Variants in ZFAND6 observed in about 807,000 individuals in gnomAD.
ZFAND6 encodes AN1-type zinc finger protein 6.
Under a neutral mutation model 24.5 loss-of-function variants are expected in ZFAND6, and 12 were observed. The ratio of observed to expected loss-of-function variants is 0.49; its 90% CI spans 0.31 to 0.79. The LOEUF is 0.79. Ranked by LOEUF, ZFAND6 falls within the 30% of genes least tolerant of loss-of-function variation. The probability of loss-of-function intolerance (pLI) is 0.04; values close to 1 mark genes in which losing one functional copy is unlikely to be tolerated. For synonymous variants in ZFAND6, 92 were observed against 81.5 expected (o/e 1.13, Z -0.69); for missense variants, 207 against 245.9 (o/e 0.84, Z 1.06).
intron 5 of ZFAND6, among the ~76,000 whole-genome samples, chr15:80,125,900 G>A (rs181448598): frequency 4.3e-4 from 65 of 152,270 alleles, no homozygotes; most frequent in African/African-American, 1.5e-3. Context: ...CTCTTACAGG[G>A]TATTAAAAGA....
intron 1 of ZFAND6, among the ~76,000 whole-genome samples, chr15:80,084,866 C>G (rs2037897532): frequency 6.6e-6 from 1 of 152,220 alleles, no homozygotes; most frequent in Non-Finnish European, 1.5e-5. Context: ...CAGAATGTCT[C>G]CTAAGCTGCA....
At chr15:80,093,665 C>T (rs2038530516) in intron 1 of ZFAND6, among the ~76,000 whole-genome samples, 1 of 152,166 alleles carries the variant, frequency 6.6e-6, no homozygotes, top group Non-Finnish European at 1.5e-5. Flanking sequence ...GCGGAGGTTG[C>T]AGTGAGCCGA....
At chr15:80,117,406 T>A (rs751935325) in intron 2 of ZFAND6, among the ~76,000 whole-genome samples, 2 of 152,116 alleles carry the variant, frequency 1.3e-5, no homozygotes, top group Non-Finnish European at 2.9e-5. Flanking sequence ...GTATTTTTAG[T>A]AGAGACGGGG....
At chr15:80,087,266 T>C (rs982911102) in intron 1 of ZFAND6, among the ~76,000 whole-genome samples, 4 of 152,258 alleles carry the variant, frequency 2.6e-5, no homozygotes, top group Admixed American at 6.5e-5. Flanking sequence ...GTTTTTTACA[T>C]GCCCACTAGT....
At chr15:80,062,284 A>G (rs2036377366) in intron 1 of ZFAND6, among the ~76,000 whole-genome samples, 1 of 152,200 alleles carries the variant, frequency 6.6e-6, no homozygotes, top group Admixed American at 6.5e-5. Flanking sequence ...ACACCCTTTA[A>G]GGGAAAGCAT....
intron 6 of ZFAND6, among the ~76,000 whole-genome samples, chr15:80,134,937 G>A (rs916949580): frequency 4.6e-5 from 7 of 152,176 alleles, no homozygotes; most frequent in African/African-American, 1.4e-4. Flanking sequence ...GCAAATGGTG[G>A]AAGAAGGATT....
intron 1 of ZFAND6, among the ~76,000 whole-genome samples, chr15:80,067,937 T>G (rs2036742801): frequency 6.6e-6 from 1 of 152,162 alleles, no homozygotes; most frequent in Non-Finnish European, 1.5e-5. Context: ...AATATACTAT[T>G]ACTGTTAATT....
chr15:80,117,538 A>G (rs1308427237), intron 2 of ZFAND6, among the ~76,000 whole-genome samples: 1 of 152,152 alleles, frequency 6.6e-6, no homozygotes. Flanking sequence ...CTCAGGTCTT[A>G]ATAACCAGTT....
chr15:80,065,460 C>T (rs1287536203), intron 1 of ZFAND6, among the ~76,000 whole-genome samples: 1 of 150,724 alleles, frequency 6.6e-6, no homozygotes, highest in Non-Finnish European at 1.5e-5. Context: ...CCCCATCCCC[C>T]TTTTTTGGTT....
intron 1 of ZFAND6, among the ~76,000 whole-genome samples, chr15:80,090,871 T>G (rs2038316039): frequency 6.6e-6 from 1 of 152,264 alleles, no homozygotes; most frequent in South Asian, 2.1e-4. Flanking sequence ...TCTAAATTTT[T>G]GGAATATTTT....
In ZFAND6 at chr15:80,085,866, G is replaced by A. The variant is rs866673254; in HGVS notation, c.-180-12550G>A. Among the ~76,000 whole-genome samples the A allele has an allele frequency of 3.3e-5, 5 of 152,064 alleles. No individual in the cohort carries two copies. The Middle Eastern group carries it at 0.01, about 310-fold the overall frequency. The stretch of plus-strand genomic sequence containing the variant: ...TGTGGTCATGTGTGTTTATAATACT[G>A]TATTTTTACTGTACCTTTTTTATGT... On this transcript the variant is annotated intron_variant, in intron 1 of 6. Coordinates refer to ENST00000261749, the MANE Select transcript of ZFAND6 (RefSeq NM_019006.4).
At chr15:80,063,610 T>G (rs1421617435) in intron 1 of ZFAND6, among the ~76,000 whole-genome samples, 1 of 150,312 alleles carries the variant, frequency 6.7e-6, no homozygotes, top group African/African-American at 2.5e-5. Flanking sequence ...CAGGCTAGAG[T>G]GCAGTGGCAC....
chr15:80,120,625 C>T (rs1340794232), intron 3 of ZFAND6, 127 bp downstream of exon 3: 3 of 768,032 alleles, frequency 3.9e-6, no homozygotes, highest in Non-Finnish European at 5.4e-6. Context: ...AGTAAAATTT[C>T]TCATTACACA....
chr15:80,108,380 G>A (rs1033104129), intron 2 of ZFAND6, among the ~76,000 whole-genome samples: 1 of 152,124 alleles, frequency 6.6e-6, no homozygotes, highest in Non-Finnish European at 1.5e-5. Flanking sequence ...AGGGCAAAGA[G>A]GGAATAAAAA....
Position 80,137,465 on chromosome 15 carries a change from T to C in ZFAND6, c.479-15T>C. ...TCATCCTTCAACTCATGTATGTGTA[T>C]TACTCCATTTCCAGGGTTTGAATGC... On this transcript the variant is annotated splice_polypyrimidine_tract_variant and intron_variant, in intron 6 of 6. Coordinates refer to ENST00000261749, the MANE Select transcript of ZFAND6 (RefSeq NM_019006.4). 6.2e-7 allele frequency: 1 copy of C among 1,600,570 alleles called. No individual in the cohort carries two copies. Among genetic ancestry groups the C allele is most frequent in the Non-Finnish European group, 8.5e-7 (1 of 1,176,274 alleles).
intron 2 of ZFAND6, chr15:80,114,986 T>A (rs2039805419): frequency 6.6e-6 from 1 of 152,226 alleles, no homozygotes; most frequent in African/African-American, 2.4e-5. Flanking sequence ...CTTTGACAGT[T>A]CTCTTTTTTG....
intron 1 of ZFAND6, 61 bp downstream of exon 1, chr15:80,059,870 C>CT (rs920331014): frequency 5.3e-5 from 8 of 151,436 alleles, no homozygotes; most frequent in Admixed American, 3.9e-4. Flanking sequence ...CGCCTGCTCC[C>CT]TTCCCCCACC....
chr15:80,077,637 TTA>T (rs2141840441), intron 1 of ZFAND6, among the ~76,000 whole-genome samples: 1 of 152,076 alleles, frequency 6.6e-6, no homozygotes, highest in Admixed American at 6.5e-5. Context: ...TTAAAGGTAA[TTA>T]TAAGCATAGT....
At chr15:80,095,343 GA>G (rs1476306178) in intron 1 of ZFAND6, among the ~76,000 whole-genome samples, 3 of 152,148 alleles carry the variant, frequency 2.0e-5, no homozygotes, top group Non-Finnish European at 2.9e-5. Context: ...ATCACATTAG[GA>G]GGCACATGTC....
Sources: gnomAD v4.1 joint callset for allele counts (sites outside exome capture counted in the v4.1 genomes callset) on GRCh38, gnomAD v4.1.1 for gene constraint, MANE v1.5 for transcripts, NCBI Gene and HGNC (gene_info 2026-07-23, HGNC 2026-07-21) for gene names.